Variants in MAP2 observed in about 807,000 individuals in gnomAD.
The protein encoded by MAP2 is microtubule-associated protein 2.
Under a neutral mutation model 137.6 loss-of-function variants are expected in MAP2, and 14 were observed. The observed-to-expected ratio is 0.10, with a 90% CI of 0.07 to 0.16. The LOEUF (loss-of-function observed/expected upper bound fraction) is 0.16. Among genes scored for constraint, MAP2 ranks in the 10% least tolerant of loss-of-function variants. The pLI, the probability that MAP2 is intolerant of heterozygous loss-of-function variation, is 1.00. For synonymous variants in MAP2, 786 were observed against 782.3 expected (o/e 1.00, Z -0.08); for missense variants, 2,088 against 2,191.5 (o/e 0.95, Z 0.94).
chr2:209,704,553 G>A, intron 11 of MAP2: 1 of 1,612,772 alleles, frequency 6.2e-7, no homozygotes, highest in South Asian at 1.1e-5. Context: ...TTTTCTGACA[G>A]TTTATTAATA....
intron 3 of MAP2, among the ~76,000 whole-genome samples, chr2:209,598,199 G>A (rs2081883321): frequency 6.6e-6 from 1 of 151,644 alleles, no homozygotes; most frequent in African/African-American, 2.4e-5. Flanking sequence ...AGAGATGGGG[G>A]TTTCACCATA....
intron 2 of MAP2, among the ~76,000 whole-genome samples, chr2:209,543,646 A>G (rs2067445091): frequency 6.6e-6 from 1 of 152,250 alleles, no homozygotes; most frequent in Admixed American, 6.5e-5. Context: ...GTAATAGAAC[A>G]TTTGGAAAAC....
At chr2:209,447,140 T>C (rs1264292739) in intron 1 of MAP2, among the ~76,000 whole-genome samples, 1 of 152,012 alleles carries the variant, frequency 6.6e-6, no homozygotes, top group African/African-American at 2.4e-5. Context: ...AAGTTCTACA[T>C]GGACATGAAA....
intron 1 of MAP2, among the ~76,000 whole-genome samples, chr2:209,479,851 G>A (rs906241689): frequency 2.0e-5 from 3 of 152,042 alleles, no homozygotes; most frequent in Non-Finnish European, 2.9e-5. Flanking sequence ...TATAATAGCC[G>A]AACATTTCAA....
chr2:209,574,459 AC>A (rs2074981965), intron 2 of MAP2, among the ~76,000 whole-genome samples: 1 of 151,936 alleles, frequency 6.6e-6, no homozygotes, highest in Non-Finnish European at 1.5e-5. Flanking sequence ...ACACACACAC[AC>A]AGACACAGAG....
chr2:209,486,065 T>C (rs2058340654), intron 1 of MAP2, among the ~76,000 whole-genome samples: 1 of 152,222 alleles, frequency 6.6e-6, no homozygotes, highest in East Asian at 1.9e-4. Context: ...TGTTCCACTA[T>C]AGGAATATAA....
intron 1 of MAP2, among the ~76,000 whole-genome samples, chr2:209,453,240 A>G (rs897173251): frequency 5.3e-5 from 8 of 151,992 alleles, no homozygotes; most frequent in Non-Finnish European, 1.2e-4. Context: ...ACCCCTGGAT[A>G]TTCTCTGCTT....
chr2:209,637,692 A>C (rs955809838), intron 4 of MAP2, among the ~76,000 whole-genome samples: 3 of 152,116 alleles, frequency 2.0e-5, no homozygotes, highest in Admixed American at 1.3e-4. Context: ...ATTAAAATAT[A>C]AAATTGCTAT....
At chr2:209,715,638 G>A (rs377081327) in intron 13 of MAP2, among the ~76,000 whole-genome samples, 1 of 152,098 alleles carries the variant, frequency 6.6e-6, no homozygotes, top group Non-Finnish European at 1.5e-5. Flanking sequence ...GGAAAGTCCC[G>A]AGAAGGTGAT....
chr2:209,520,573 A>G (rs2063136770), intron 2 of MAP2, among the ~76,000 whole-genome samples: 1 of 151,948 alleles, frequency 6.6e-6, no homozygotes, highest in Non-Finnish European at 1.5e-5. Context: ...ATTTCATATT[A>G]TTTTATTTTG....
intron 1 of MAP2, among the ~76,000 whole-genome samples, chr2:209,504,512 C>A (rs890109662): frequency 1.3e-5 from 2 of 152,068 alleles, no homozygotes; most frequent in Non-Finnish European, 2.9e-5. Flanking sequence ...AACTAGTGAA[C>A]CACTTTCTCT....
At chr2:209,561,419 A>C (rs1012783125) in intron 2 of MAP2, among the ~76,000 whole-genome samples, 1 of 151,974 alleles carries the variant, frequency 6.6e-6, no homozygotes, top group Admixed American at 6.5e-5. Flanking sequence ...CAGGCTCATG[A>C]AGAAGCTGGG....
chr2:209,727,604 A>G (rs1367746905), intron 14 of MAP2, among the ~76,000 whole-genome samples: 2 of 152,252 alleles, frequency 1.3e-5, no homozygotes, highest in African/African-American at 4.8e-5. Context: ...CCTTGACAGC[A>G]GCAACCTTTT....
chr2:209,566,497 ACT>A (rs1164214617), intron 2 of MAP2, among the ~76,000 whole-genome samples: 2 of 151,754 alleles, frequency 1.3e-5, no homozygotes, highest in Non-Finnish European at 2.9e-5. Context: ...TAAAAATGAA[ACT>A]CTATTTGTTT....
At chr2:209,681,326 A>T (rs2054479280) in intron 7 of MAP2, among the ~76,000 whole-genome samples, 1 of 152,194 alleles carries the variant, frequency 6.6e-6, no homozygotes, top group South Asian at 2.1e-4. Flanking sequence ...ATAAATATTA[A>T]TGAATAAATG....
At chr2:209,501,916 C>T (rs1023031648) in intron 1 of MAP2, among the ~76,000 whole-genome samples, 1 of 152,084 alleles carries the variant, frequency 6.6e-6, no homozygotes, top group South Asian at 2.1e-4. Context: ...AGCTTGAGCC[C>T]ACCAGGTCAA....
chr2:209,653,372 T>A lies in MAP2; in HGVS notation c.202T>A (p.Ser68Thr). The A allele has an allele frequency of 6.2e-7, 1 of 1,613,882 alleles. No homozygotes were observed. ...AGAGCATGGGTCACAGGGCACCTAT[T>A]CAAATACCAAAGAGAATGGGATCAA... is the stretch of plus-strand genomic sequence containing the variant. ...FGEHGSQGTY[S>T]NTKENGINGE... Residue 68 changes from serine (S) to threonine (T), a missense_variant, in exon 5 of 16, where the codon TCA becomes ACA. Transcript: ENST00000682079.
chr2:209,439,758 C>T (rs1237605800), intron 1 of MAP2, among the ~76,000 whole-genome samples: 1 of 151,284 alleles, frequency 6.6e-6, no homozygotes, highest in Admixed American at 6.6e-5. Flanking sequence ...AACTGTCACC[C>T]TTTATAAAAT....
chr2:209,693,645 A>T lies in MAP2; in HGVS notation c.1475A>T (p.Asp492Val), dbSNP rs185552042. ...SEQKDQEPTT[D>V]MLKQDSFPVS... ...CAGAAAGACCAAGAGCCTACCACAGATATGTTGAAACAGGACTCGTTCCCT... is the reference window on the plus strand; with the variant it reads ...CAGAAAGACCAAGAGCCTACCACAGTTATGTTGAAACAGGACTCGTTCCCT... Residue 492 changes from aspartate (D) to valine (V), a missense_variant, in exon 8 of 16, where the codon GAT (aspartate) becomes GTT (valine). Physicochemically the swap from Asp to Val is radical, Grantham distance 152. Transcript: ENST00000682079. 31 of 1,613,958 alleles carry T rather than the reference A, an allele frequency of 1.9e-5. No homozygotes were observed. The African/African-American group carries it at 4.1e-4, about 22-fold the overall frequency.
Sources: allele counts gnomAD v4.1 joint callset (sites outside exome capture counted in the v4.1 genomes callset), GRCh38; gene constraint gnomAD v4.1.1; transcripts MANE v1.5; gene names NCBI Gene and HGNC (gene_info 2026-07-23, HGNC 2026-07-21).